THADA: variants seen among roughly 807,000 people sequenced by gnomAD.
The protein encoded by THADA is THADA armadillo repeat containing.
A neutral mutation model predicts 219.8 loss-of-function variants in THADA; 213 were observed. That is an observed-to-expected ratio of 0.97 (90% CI 0.87 to 1.09). The LOEUF (loss-of-function observed/expected upper bound fraction) is 1.09, where lower values mean the gene tolerates loss of function less well. Among genes scored for constraint, THADA ranks in the 50% least tolerant of loss-of-function variants. The pLI is 0.00. For synonymous variants in THADA, 1,018 were observed against 828.9 expected, an observed-to-expected ratio of 1.23 and a Z score of -3.92; for missense variants, 2,956 against 2,311.3, an observed-to-expected ratio of 1.28 and a Z score of -5.72.
chr2:43,398,498 T>C (rs1253081592), intron 28 of THADA, among the ~76,000 whole-genome samples: 2 of 152,214 alleles, frequency 1.3e-5, no homozygotes, highest in Non-Finnish European at 2.9e-5. Context: ...ACAGTCACCA[T>C]TGTCTTTGAA....
chr2:43,338,279 C>T (rs956719709), intron 30 of THADA, among the ~76,000 whole-genome samples: 1 of 151,826 alleles, frequency 6.6e-6, no homozygotes, highest in African/African-American at 2.4e-5. Flanking sequence ...GCTTCAGCCT[C>T]CCAAGTAGCT....
At chr2:43,517,971 A>T (rs1380499750) in intron 22 of THADA, among the ~76,000 whole-genome samples, 1 of 152,216 alleles carries the variant, frequency 6.6e-6, no homozygotes, top group Non-Finnish European at 1.5e-5. Context: ...TTCTCCAGAA[A>T]AGGTGCTGCT....
intron 24 of THADA, among the ~76,000 whole-genome samples, chr2:43,501,338 A>G (rs562620599): frequency 1.8e-4 from 24 of 134,800 alleles, no homozygotes; most frequent in African/African-American, 3.8e-4. Context: ...AAAAAAAAAA[A>G]AGAGAGACTT....
At chr2:43,589,949 C>G (rs990224724) in intron 4 of THADA, among the ~76,000 whole-genome samples, 1 of 152,038 alleles carries the variant, frequency 6.6e-6, no homozygotes, top group Non-Finnish European at 1.5e-5. Context: ...CTAAGACATT[C>G]TTTAGTGAAA....
chr2:43,583,141 T>C (rs1269075550), intron 7 of THADA, among the ~76,000 whole-genome samples: 1 of 152,254 alleles, frequency 6.6e-6, no homozygotes, highest in African/African-American at 2.4e-5. Flanking sequence ...TCCTTTCTGG[T>C]ATATCTAACT....
intron 31 of THADA, among the ~76,000 whole-genome samples, chr2:43,305,211 A>G (rs1256786561): frequency 6.6e-6 from 1 of 151,592 alleles, no homozygotes; most frequent in South Asian, 2.2e-4. Context: ...AGGAACAACA[A>G]CAACAATAAC....
intron 26 of THADA, among the ~76,000 whole-genome samples, chr2:43,474,795 G>A (rs1685313607): frequency 6.6e-6 from 1 of 152,156 alleles, no homozygotes; most frequent in Non-Finnish European, 1.5e-5. Context: ...AAGAGTATTA[G>A]ATGCTTCTAG....
chr2:43,282,716 A>G (rs1673505950), intron 35 of THADA, among the ~76,000 whole-genome samples: 1 of 152,216 alleles, frequency 6.6e-6, no homozygotes, highest in South Asian at 2.1e-4. Context: ...AAGCAAAACA[A>G]AAAACAAAAT....
At chr2:43,519,271 T>A (rs1692116378) in intron 22 of THADA, among the ~76,000 whole-genome samples, 1 of 152,124 alleles carries the variant, frequency 6.6e-6, no homozygotes, top group Non-Finnish European at 1.5e-5. Context: ...CAATAATCAA[T>A]AAACTTTTGT....
At chr2:43,411,988 G>T (rs1025818754) in intron 28 of THADA, among the ~76,000 whole-genome samples, 2 of 152,120 alleles carry the variant, frequency 1.3e-5, no homozygotes, top group African/African-American at 4.8e-5. Flanking sequence ...AAGTGTCCAG[G>T]TGATGAGATT....
intron 36 of THADA, among the ~76,000 whole-genome samples, chr2:43,246,944 C>T (rs1669221505): frequency 6.6e-6 from 1 of 152,232 alleles, no homozygotes; most frequent in South Asian, 2.1e-4. Context: ...CTTTCAGGAA[C>T]ATGCCAAGGA....
chr2:43,351,145 C>T (rs1668210351), intron 29 of THADA, among the ~76,000 whole-genome samples: 2 of 152,182 alleles, frequency 1.3e-5, no homozygotes, highest in African/African-American at 4.8e-5. Flanking sequence ...GCCTCCAGCA[C>T]TTATTTTACA....
chr2:43,546,455 A>T (rs979286593), intron 20 of THADA, among the ~76,000 whole-genome samples: 10 of 152,128 alleles, frequency 6.6e-5, no homozygotes, highest in Non-Finnish European at 8.8e-5. Flanking sequence ...GATCTGTCTA[A>T]TGTTGACGGT....
intron 30 of THADA, among the ~76,000 whole-genome samples, chr2:43,337,495 A>G (rs2104517157): frequency 6.6e-6 from 1 of 152,352 alleles, no homozygotes; most frequent in Non-Finnish European, 1.5e-5. Context: ...TTCAAAACGT[A>G]AAAGTTTCCT....
chr2:43,437,886 C>T (rs1376491596), intron 26 of THADA, among the ~76,000 whole-genome samples: 1 of 151,982 alleles, frequency 6.6e-6, no homozygotes, highest in Non-Finnish European at 1.5e-5. Context: ...CCAGAATATA[C>T]AAAGAACTCA....
intron 26 of THADA, among the ~76,000 whole-genome samples, chr2:43,438,016 G>A (rs979405770): frequency 2.9e-4 from 44 of 152,046 alleles, no homozygotes; most frequent in African/African-American, 1.0e-3. Context: ...CTATACCAAG[G>A]GATGGCCAGG....
At chr2:43,568,190 C>A (rs984588516) in intron 14 of THADA, among the ~76,000 whole-genome samples, 1 of 152,030 alleles carries the variant, frequency 6.6e-6, no homozygotes, top group Non-Finnish European at 1.5e-5. Context: ...TATCTCACAG[C>A]CTTTTTATTA....
intron 29 of THADA, among the ~76,000 whole-genome samples, chr2:43,355,080 G>T (rs1166919592): frequency 1.3e-5 from 2 of 152,144 alleles, no homozygotes; most frequent in African/African-American, 4.8e-5. Context: ...CCAGTCCTGG[G>T]TATGTCTTTA....
chr2:43,297,830 A>T (rs1320939130), intron 31 of THADA, among the ~76,000 whole-genome samples: 1 of 22,420 alleles, frequency 4.5e-5, no homozygotes, highest in Admixed American at 4.5e-4. Context: ...GTGGGGGGGG[A>T]TCAGCCCCCC....
Sources: gnomAD v4.1 joint callset for allele counts (sites outside exome capture counted in the v4.1 genomes callset) on GRCh38, gnomAD v4.1.1 for gene constraint, MANE v1.5 for transcripts, NCBI Gene and HGNC (gene_info 2026-07-23, HGNC 2026-07-21) for gene names.